The following HIBADH variants were observed in gnomAD, a reference collection of about 807,000 sequenced individuals.
HIBADH encodes the protein 3-hydroxyisobutyrate dehydrogenase, also known as 3-hydroxyisobutyrate dehydrogenase, mitochondrial.
A neutral mutation model predicts 36.1 loss-of-function variants in HIBADH; 25 were observed. That is an observed-to-expected ratio of 0.69 (90% confidence interval 0.50 to 0.97). The LOEUF (loss-of-function observed/expected upper bound fraction) is 0.97, where lower values mean the gene tolerates loss of function less well. HIBADH is among the 50% of genes least tolerant of loss of function. HIBADH has a pLI of 0.00. For missense variants in HIBADH, 421 were observed against 418.0 expected (o/e 1.01, Z -0.06); for synonymous variants, 160 against 149.5 (o/e 1.07, Z -0.51).
At chr7:27,585,385 A>T (rs776466933) in intron 4 of HIBADH, among the ~76,000 whole-genome samples, 1 of 152,152 alleles carries the variant, frequency 6.6e-6, no homozygotes, top group Non-Finnish European at 1.5e-5. Flanking sequence ...CTATGAGGCT[A>T]CACATCTTCC....
chr7:27,551,928 G>A (rs1784324439), intron 4 of HIBADH, among the ~76,000 whole-genome samples: 1 of 152,162 alleles, frequency 6.6e-6, no homozygotes, highest in Admixed American at 6.6e-5. Flanking sequence ...ATTTTCTACA[G>A]ATGCAGCCTC....
chr7:27,591,921 T>C (rs1423716469), intron 4 of HIBADH, among the ~76,000 whole-genome samples: 5 of 152,194 alleles, frequency 3.3e-5, no homozygotes, highest in African/African-American at 4.8e-5. Context: ...TGTGAGTGTC[T>C]TGTCAATCGA....
At chr7:27,654,808 C>T (rs986453405) in intron 1 of HIBADH, among the ~76,000 whole-genome samples, 6 of 151,926 alleles carry the variant, frequency 3.9e-5, no homozygotes, top group Admixed American at 6.6e-5. Flanking sequence ...ACTTCAGCTT[C>T]CCAAGTAGCT....
intron 2 of HIBADH, among the ~76,000 whole-genome samples, chr7:27,638,707 T>G (rs1237086084): frequency 6.6e-6 from 1 of 151,992 alleles, no homozygotes; most frequent in Non-Finnish European, 1.5e-5. Context: ...CCCACAAAGG[T>G]CTACTACTCA....
chr7:27,527,118 A>G (rs191994269), intron 7 of HIBADH, among the ~76,000 whole-genome samples: 5 of 152,138 alleles, frequency 3.3e-5, no homozygotes, highest in African/African-American at 1.2e-4. Context: ...CAAGAGGGAG[A>G]AGTGAGTTCA....
intron 4 of HIBADH, among the ~76,000 whole-genome samples, chr7:27,600,692 G>A (rs997321163): frequency 6.6e-6 from 1 of 152,028 alleles, no homozygotes; most frequent in African/African-American, 2.4e-5. Context: ...ATAAGAACAA[G>A]TTGAAATGAA....
intron 2 of HIBADH, among the ~76,000 whole-genome samples, chr7:27,634,912 T>C (rs555704836): frequency 4.6e-5 from 7 of 152,328 alleles, no homozygotes; most frequent in South Asian, 2.1e-4. Flanking sequence ...CTTGAGATGG[T>C]TGCATTGCCA....
At chr7:27,594,308 T>C (rs1043470614) in intron 4 of HIBADH, among the ~76,000 whole-genome samples, 2 of 151,874 alleles carry the variant, frequency 1.3e-5, no homozygotes, top group Non-Finnish European at 2.9e-5. Context: ...CACGCCTGGC[T>C]AATTTTGTAT....
chr7:27,646,939 G>A (rs933879419), intron 2 of HIBADH, among the ~76,000 whole-genome samples: 6 of 151,824 alleles, frequency 4.0e-5, no homozygotes, highest in African/African-American at 1.5e-4. Flanking sequence ...CAGGTGATCC[G>A]CCTGCCTTGG....
At chr7:27,659,843 A>G (rs1669291697) in intron 1 of HIBADH, among the ~76,000 whole-genome samples, 1 of 152,228 alleles carries the variant, frequency 6.6e-6, no homozygotes, top group South Asian at 2.1e-4. Flanking sequence ...GGATGGCTTC[A>G]CGCCAGTAGT....
intron 5 of HIBADH, among the ~76,000 whole-genome samples, chr7:27,542,713 A>G (rs1211229507): frequency 2.0e-5 from 3 of 151,928 alleles, no homozygotes; most frequent in Non-Finnish European, 1.5e-5. Context: ...CAGCCTCCCA[A>G]AGTGTTGGGA....
intron 7 of HIBADH, among the ~76,000 whole-genome samples, chr7:27,527,515 T>C (rs952230296): frequency 2.0e-5 from 3 of 152,300 alleles, no homozygotes; most frequent in East Asian, 3.9e-4. Context: ...AAGCCAAGTA[T>C]GGGCACATCT....
chr7:27,620,234 C>A (rs1025357412), intron 4 of HIBADH, among the ~76,000 whole-genome samples: 9 of 152,066 alleles, frequency 5.9e-5, no homozygotes, highest in Non-Finnish European at 8.8e-5. Context: ...TGGGGGGAAT[C>A]GCTTGAACCC....
Position 27,620,504 on chromosome 7 carries a change from A to C in HIBADH, c.484+8867T>G, listed in dbSNP as rs143378408. ...ACAACAACAACAAAAACAAACCAAA[A>C]CAAAACAAAAAAAAAACCCTGGCAG... On this transcript the variant is annotated intron_variant, in intron 4 of 7. Transcript: ENST00000265395. Among the ~76,000 whole-genome samples, 404 of 151,964 alleles carry C rather than the reference A, an allele frequency of 2.7e-3. 2 individuals carry two copies. Among genetic ancestry groups the C allele is most frequent in the African/African-American group, 8.9e-3 (370 of 41,448 alleles).
chr7:27,629,442 G>GC lies in HIBADH; in HGVS notation c.412dup (p.Ala138GlyfsTer11). 1 of 1,609,462 alleles carries GC rather than the reference G, an allele frequency of 6.2e-7. No homozygotes were observed. Among genetic ancestry groups the GC allele is most frequent in the Non-Finnish European group, 8.5e-7 (1 of 1,176,792 alleles). ...TTCTTTGGCCAATTCTTTTGAAACT[G>GC]CAGGATCAATAGTGCTGGAATCTAT... On this transcript the variant is annotated frameshift_variant, in exon 4 of 8. Coordinates refer to ENST00000265395, the MANE Select transcript of HIBADH (RefSeq NM_152740.4). LOFTEE classifies it high-confidence loss of function.
At position 27,632,716 on chromosome 7, in the gene HIBADH, C is replaced by T. The variant is rs188092892; in HGVS notation, c.253-271G>A. ...GGAGTTGAGGGTAAAAGGGCAAAAC[C>T]CAGCAGTCCTGGGAACAGACACACT... On this transcript the variant is annotated intron_variant, in intron 2 of 7. Transcript: ENST00000265395. Among the ~76,000 whole-genome samples the T allele has an allele frequency of 6.9e-4, 105 of 152,050 alleles. 1 individual carries two copies. The highest frequency in any genetic ancestry group is 2.1e-3 in the South Asian group (10 of 4,818).
At chr7:27,648,963 G>A (rs1786126005) in intron 2 of HIBADH, among the ~76,000 whole-genome samples, 1 of 152,152 alleles carries the variant, frequency 6.6e-6, no homozygotes, top group African/African-American at 2.4e-5. Flanking sequence ...TCTCATTTGA[G>A]CTTCACAACC....
intron 4 of HIBADH, among the ~76,000 whole-genome samples, chr7:27,570,709 C>T (rs1206143259): frequency 9.6e-5 from 11 of 114,650 alleles, no homozygotes; most frequent in Admixed American, 8.5e-4. Context: ...ATGCTGGGGG[C>T]GGTGGGGGGA....
intron 4 of HIBADH, among the ~76,000 whole-genome samples, chr7:27,561,808 C>T: frequency 6.6e-6 from 1 of 152,136 alleles, no homozygotes; most frequent in East Asian, 1.9e-4. Context: ...TACACGTTTA[C>T]ATTGTCATAT....
Sources: allele counts gnomAD v4.1 joint callset (sites outside exome capture counted in the v4.1 genomes callset), GRCh38; gene constraint gnomAD v4.1.1; transcripts MANE v1.5; gene names NCBI Gene and HGNC (gene_info 2026-07-23, HGNC 2026-07-21).